PNPLA8: variants seen among roughly 807,000 people sequenced by gnomAD.
The protein encoded by PNPLA8 is calcium-independent phospholipase A2-gamma.
In PNPLA8, 39 loss-of-function variants were observed where a neutral mutation model predicts 76.9. The observed-to-expected ratio is 0.51, with a 90% CI of 0.39 to 0.66. The LOEUF (loss-of-function observed/expected upper bound fraction) is 0.66, where lower values mean the gene tolerates loss of function less well. PNPLA8 is among the 30% of genes least tolerant of loss of function. The pLI is 0.00. For missense variants in PNPLA8, 887 were observed against 918.0 expected (o/e 0.97, Z 0.44); for synonymous variants, 301 against 307.9 (o/e 0.98, Z 0.24).
intron 1 of PNPLA8, among the ~76,000 whole-genome samples, chr7:108,524,662 T>TA (rs368319874): frequency 1.0e-3 from 159 of 152,058 alleles, no homozygotes; most frequent in African/African-American, 3.5e-3. Context: ...CGTCTCTACT[T>TA]AAAAAAATTA....
At chr7:108,523,008 A>G (rs1863851493) in intron 1 of PNPLA8, among the ~76,000 whole-genome samples, 1 of 152,252 alleles carries the variant, frequency 6.6e-6, no homozygotes, top group Admixed American at 6.5e-5. Flanking sequence ...GAGTACATTC[A>G]GCCAGAAGTT....
chr7:108,516,360 T>A (rs1477571335), intron 2 of PNPLA8, among the ~76,000 whole-genome samples: 1 of 152,114 alleles, frequency 6.6e-6, no homozygotes, highest in Non-Finnish European at 1.5e-5. Flanking sequence ...GGTAATACAA[T>A]GGGGCAAAAA....
chr7:108,522,539 T>C (rs994553881), intron 1 of PNPLA8, among the ~76,000 whole-genome samples: 3 of 152,188 alleles, frequency 2.0e-5, no homozygotes, highest in Non-Finnish European at 4.4e-5. Context: ...ATGTGACTGA[T>C]TGATGCATTA....
chr7:108,526,780 A>G (rs575899002), upstream of PNPLA8, among the ~76,000 whole-genome samples: 2 of 152,346 alleles, frequency 1.3e-5, no homozygotes, highest in African/African-American at 2.4e-5. Context: ...AAATTGTGGC[A>G]TTTCATACGT....
Position 108,526,124 on chromosome 7 carries a change from A to G in PNPLA8, c.-225T>C, listed in dbSNP as rs1864064919. On this transcript the variant is annotated 5_prime_UTR_variant, in exon 1 of 11. Transcript: ENST00000257694. ...ACCGGCCTGCATCAGCTGAGCTTCC[A>G]ACACAAACACTGGCGCAGCAGCTAG... 1 of 983,312 alleles carries G rather than the reference A, an allele frequency of 1.0e-6. No homozygotes were observed. Among genetic ancestry groups the G allele is most frequent in the South Asian group, 4.7e-5 (1 of 21,264 alleles). The allele number at this position is 983,312 out of a possible 1,614,324, so 60.9% of individuals were successfully genotyped here.
intron 4 of PNPLA8, 200 bp from the exon 5 acceptor site, chr7:108,502,842 G>T: frequency 2.7e-6 from 1 of 374,446 alleles, no homozygotes. Context: ...CTAATATTGA[G>T]GACAAAAATT....
At chr7:108,493,568 CTTTTTT>C (rs34935118) in intron 7 of PNPLA8, among the ~76,000 whole-genome samples, 2 of 81,210 alleles carry the variant, frequency 2.5e-5, no homozygotes, top group Non-Finnish European at 4.5e-5. Context: ...CCATGCCTGG[CTTTTTT>C]TTTTTTTTTT....
chr7:108,495,132 T>C (rs986280548), intron 7 of PNPLA8, among the ~76,000 whole-genome samples: 2 of 152,146 alleles, frequency 1.3e-5, no homozygotes, highest in African/African-American at 4.8e-5. Context: ...AACCACTGTA[T>C]TGAAGAACAA....
chr7:108,496,950 C>G (rs942086607), intron 6 of PNPLA8, among the ~76,000 whole-genome samples, 195 bp from the exon 7 acceptor site: 1 of 151,934 alleles, frequency 6.6e-6, no homozygotes, highest in African/African-American at 2.4e-5. Flanking sequence ...AACCAAAATT[C>G]ATGTGTCTTA....
chr7:108,525,791 G>T (rs956655557), intron 1 of PNPLA8, among the ~76,000 whole-genome samples: 1 of 152,214 alleles, frequency 6.6e-6, no homozygotes, highest in Non-Finnish European at 1.5e-5. Flanking sequence ...ACCAAATACG[G>T]TTTGCGCTTC....
chr7:108,473,774 G>A (rs1365777992), intron 10 of PNPLA8, among the ~76,000 whole-genome samples: 1 of 152,064 alleles, frequency 6.6e-6, no homozygotes, highest in Non-Finnish European at 1.5e-5. Flanking sequence ...GTGCAATCAT[G>A]GCTCACCGCA....
intron 4 of PNPLA8, among the ~76,000 whole-genome samples, chr7:108,511,810 A>G (rs1037536217): frequency 6.6e-6 from 1 of 152,200 alleles, no homozygotes; most frequent in Non-Finnish European, 1.5e-5. Context: ...ATTATATGCT[A>G]AAAAACCAGA....
At position 108,510,616 on chromosome 7, in the gene PNPLA8, G is replaced by A. The variant is rs113593199; in HGVS notation, c.1206+3528C>T. On this transcript the variant is annotated intron_variant, in intron 4 of 10. Transcript: ENST00000257694. ...CCTTTGTGAAGCTCAACAAGGCTTC[G>A]ACTAACATGCTGAGGATTGTAGAGC... 4.9e-4 allele frequency: 768 copies of A among 1,560,646 alleles called. 5 individuals carry two copies. The African/African-American group carries it at 7.2e-3, about 15-fold the overall frequency.
At chr7:108,494,960 C>A (rs986310494) in intron 7 of PNPLA8, among the ~76,000 whole-genome samples, 1 of 151,986 alleles carries the variant, frequency 6.6e-6, no homozygotes, top group Non-Finnish European at 1.5e-5. Flanking sequence ...AAACCAAAAC[C>A]TTTTTTTAAG....
intron 5 of PNPLA8, among the ~76,000 whole-genome samples, chr7:108,498,520 G>A (rs570843819): frequency 4.0e-5 from 6 of 150,862 alleles, no homozygotes; most frequent in Admixed American, 3.3e-4. Flanking sequence ...TGATCCACCC[G>A]CCTCAGCCTC....
rs984635556 is a variant in PNPLA8, at chr7:108,502,579, C to G, written c.1270G>C (p.Val424Leu). 6.2e-7 allele frequency: 1 copy of G among 1,608,658 alleles called. No individual in the cohort carries two copies. The highest frequency in any genetic ancestry group is 8.5e-7 in the Non-Finnish European group (1 of 1,176,434). The change falls in exon 5 of 11, where the codon GTT (valine) becomes CTT (leucine). Residue 424 changes from valine (V) to leucine (L), a missense_variant. Val to Leu is a conservative substitution (Grantham distance 32, BLOSUM62 1). Coordinates refer to ENST00000257694, the MANE Select transcript of PNPLA8 (RefSeq NM_001256007.3). ...CCAATTAGGGCCAAAATTTCTCTAA[C>G]TGCAGCCTGAAGAGTTTCATCCTTA... is the stretch of plus-strand genomic sequence containing the variant. ...QIKDETLQAA[V>L]REILALIGYV...
At chr7:108,511,002 A>C in intron 4 of PNPLA8, 1 of 1,347,216 alleles carries the variant, frequency 7.4e-7, no homozygotes, top group Non-Finnish European at 1.0e-6. Flanking sequence ...TATTTCTCTA[A>C]GCTGGTTGGT....
chr7:108,504,866 T>G (rs1278200563), intron 4 of PNPLA8, among the ~76,000 whole-genome samples: 1 of 151,810 alleles, frequency 6.6e-6, no homozygotes, highest in Non-Finnish European at 1.5e-5. Flanking sequence ...CACCTGAGGT[T>G]GGGAGTTCGA....
At position 108,515,303 on chromosome 7, in the gene PNPLA8, T is replaced by A; in HGVS notation, c.189A>T (p.Glu63Asp). The part of the protein sequence containing the change: ...NIIRCKWTKS[E>D]AHSCSKHCYS... ...AACAGTGCTTACTGCAAGAATGTGC[T>A]TCACTTTTGGTCCATTTACATCTTA... The change falls in exon 3 of 11, where the codon GAA (glutamate) becomes GAT (aspartate). Residue 63 changes from glutamate (E) to aspartate (D), a missense_variant. Physicochemically the swap from Glu to Asp is conservative, Grantham distance 45. Coordinates refer to ENST00000257694, the MANE Select transcript of PNPLA8 (RefSeq NM_001256007.3). The A allele has an allele frequency of 6.2e-7, 1 of 1,611,520 alleles. No individual in the cohort carries two copies. The highest frequency in any genetic ancestry group is 1.1e-5 in the South Asian group (1 of 90,808).
Sources: allele counts gnomAD v4.1 joint callset (sites outside exome capture counted in the v4.1 genomes callset), GRCh38; gene constraint gnomAD v4.1.1; transcripts MANE v1.5; gene names NCBI Gene and HGNC (gene_info 2026-07-23, HGNC 2026-07-21).